Variants in ZBTB20 observed in about 807,000 individuals in gnomAD.
ZBTB20 encodes the protein zinc finger and BTB domain containing 20.
Under a neutral mutation model 56.9 loss-of-function variants are expected in ZBTB20, and 9 were observed. That is an observed-to-expected ratio of 0.16 (90% CI 0.10 to 0.28). ZBTB20 has a LOEUF of 0.28. Ranked by LOEUF, ZBTB20 falls within the 10% of genes least tolerant of loss-of-function variation. The pLI is 1.00. For synonymous variants in ZBTB20, 417 were observed against 420.7 expected (o/e 0.99, Z 0.11); for missense variants, 655 against 1,003.0 (o/e 0.65, Z 4.69).
intron 5 of ZBTB20, among the ~76,000 whole-genome samples, chr3:114,752,809 G>A (rs1462793946): frequency 1.3e-5 from 2 of 152,040 alleles, no homozygotes. Flanking sequence ...TTAATTATCA[G>A]TCTTCTCTGC....
chr3:114,619,319 T>G (rs2058154885), intron 6 of ZBTB20, among the ~76,000 whole-genome samples: 1 of 152,168 alleles, frequency 6.6e-6, no homozygotes, highest in Non-Finnish European at 1.5e-5. Flanking sequence ...AGGAATTCAG[T>G]TTACTAGAGA....
intron 7 of ZBTB20, among the ~76,000 whole-genome samples, chr3:114,438,418 A>AG (rs2090670687): frequency 8.2e-6 from 1 of 121,748 alleles, no homozygotes; most frequent in Non-Finnish European, 1.7e-5. Context: ...CTCCTTGCCA[A>AG]AAAAAAACAA....
At chr3:114,969,626 G>T (rs1010242661) in intron 3 of ZBTB20, among the ~76,000 whole-genome samples, 1 of 152,072 alleles carries the variant, frequency 6.6e-6, no homozygotes, top group Admixed American at 6.5e-5. Flanking sequence ...ATATTTACTC[G>T]TTCCTTATCT....
intron 1 of ZBTB20, among the ~76,000 whole-genome samples, chr3:115,087,572 T>C (rs1355690863): frequency 6.6e-6 from 1 of 151,850 alleles, no homozygotes; most frequent in Non-Finnish European, 1.5e-5. Context: ...GGAGAGCATC[T>C]TTATCAGCAA....
chr3:114,907,020 A>G (rs753280745), intron 3 of ZBTB20, among the ~76,000 whole-genome samples: 69 of 152,010 alleles, frequency 4.5e-4, no homozygotes, highest in Middle Eastern at 3.4e-3. Context: ...TGAAATGTAC[A>G]TTAAACACGT....
intron 7 of ZBTB20, among the ~76,000 whole-genome samples, chr3:114,498,261 G>A (rs1044568796): frequency 6.6e-6 from 1 of 152,102 alleles, no homozygotes. Context: ...AAATTCTTGG[G>A]GGAACATCTG....
chr3:114,711,487 C>T (rs949212880), intron 5 of ZBTB20, among the ~76,000 whole-genome samples: 7 of 152,210 alleles, frequency 4.6e-5, no homozygotes, highest in African/African-American at 1.7e-4. Flanking sequence ...CATCTGACTG[C>T]ACAGGCCAGT....
At chr3:114,424,110 C>A (rs1301487366) in intron 7 of ZBTB20, among the ~76,000 whole-genome samples, 3 of 152,188 alleles carry the variant, frequency 2.0e-5, no homozygotes, top group Non-Finnish European at 4.4e-5. Flanking sequence ...CAGTTGTTAG[C>A]AGCTGTACAC....
chr3:114,781,760 C>T (rs2070114590), intron 5 of ZBTB20, among the ~76,000 whole-genome samples: 1 of 152,040 alleles, frequency 6.6e-6, no homozygotes, highest in Non-Finnish European at 1.5e-5. Flanking sequence ...ATCATGGGGG[C>T]GGTTTCCCCC....
intron 2 of ZBTB20, among the ~76,000 whole-genome samples, chr3:115,025,015 G>A (rs1251999694): frequency 1.3e-5 from 2 of 151,116 alleles, no homozygotes; most frequent in African/African-American, 4.8e-5. Context: ...TGTCATGGGG[G>A]TCTGTTGTAC....
chr3:114,915,028 TTTTC>T (rs2075688948), intron 3 of ZBTB20, among the ~76,000 whole-genome samples: 2 of 147,848 alleles, frequency 1.4e-5, no homozygotes, highest in African/African-American at 5.3e-5. Flanking sequence ...GTTTTCTTTG[TTTTC>T]TTTTCTTTTT....
chr3:114,875,482 A>T (rs528951754), intron 4 of ZBTB20, among the ~76,000 whole-genome samples: 4 of 152,312 alleles, frequency 2.6e-5, no homozygotes, highest in African/African-American at 9.6e-5. Context: ...CATCTCCCTC[A>T]GTTTGGGTCT....
At chr3:114,761,732 G>T (rs1017778195) in intron 5 of ZBTB20, among the ~76,000 whole-genome samples, 1 of 151,806 alleles carries the variant, frequency 6.6e-6, no homozygotes, top group East Asian at 1.9e-4. Context: ...TACTTGGGGG[G>T]CTGAGGTAGG....
intron 5 of ZBTB20, among the ~76,000 whole-genome samples, chr3:114,790,202 A>G (rs905902680): frequency 6.6e-6 from 1 of 152,226 alleles, no homozygotes; most frequent in Admixed American, 6.6e-5. Context: ...TGAGAATTAA[A>G]GAATTTTTAA....
intron 6 of ZBTB20, among the ~76,000 whole-genome samples, chr3:114,591,599 C>T (rs934782672): frequency 1.3e-5 from 2 of 152,194 alleles, no homozygotes; most frequent in East Asian, 3.8e-4. Context: ...GCTAGCTCAC[C>T]AGCTATTAGT....
At chr3:114,590,366 G>A (rs568835183) in intron 6 of ZBTB20, among the ~76,000 whole-genome samples, 2 of 152,116 alleles carry the variant, frequency 1.3e-5, no homozygotes, top group South Asian at 2.1e-4. Context: ...CAAGTGAATC[G>A]CTTGAACTTG....
chr3:115,056,077 T>A (rs560338313), intron 2 of ZBTB20, among the ~76,000 whole-genome samples: 35 of 152,222 alleles, frequency 2.3e-4, no homozygotes, highest in African/African-American at 7.9e-4. Flanking sequence ...AAAGTGAGTA[T>A]CTTTAAAATA....
intron 6 of ZBTB20, among the ~76,000 whole-genome samples, chr3:114,557,410 C>T (rs1319769901): frequency 4.6e-5 from 7 of 152,008 alleles, no homozygotes; most frequent in African/African-American, 9.6e-5. Flanking sequence ...GTTCTTAAGC[C>T]TTTATTTGAA....
intron 4 of ZBTB20, among the ~76,000 whole-genome samples, chr3:114,894,731 T>C (rs1270223309): frequency 6.6e-6 from 1 of 152,184 alleles, no homozygotes; most frequent in Non-Finnish European, 1.5e-5. Context: ...GATCCTTCCC[T>C]CACAGCCCTG....
Sources: gnomAD v4.1 joint callset for allele counts (sites outside exome capture counted in the v4.1 genomes callset) on GRCh38, gnomAD v4.1.1 for gene constraint, MANE v1.5 for transcripts, NCBI Gene and HGNC (gene_info 2026-07-23, HGNC 2026-07-21) for gene names.